BST1: variants seen among roughly 807,000 people sequenced by gnomAD.
The protein encoded by BST1 is ADP-ribosyl cyclase/cyclic ADP-ribose hydrolase 2.
BST1 carries 49 observed loss-of-function variants against 40.6 expected under a neutral mutation model. The ratio of observed to expected loss-of-function variants is 1.21; its 90% confidence interval spans 0.96 to 1.53. BST1 has a LOEUF of 1.53. Ranked by LOEUF, BST1 falls within the 40% of genes most tolerant of loss-of-function variation. BST1 has a pLI of 0.00. For synonymous variants in BST1, 157 were observed against 159.3 expected, an observed-to-expected ratio of 0.99 and a Z score of 0.11; for missense variants, 423 against 395.9, an observed-to-expected ratio of 1.07 and a Z score of -0.58.
chr4:15,748,178 C>A, the BST1 span, among the ~76,000 whole-genome samples: 1 of 152,196 alleles, frequency 6.6e-6, no homozygotes, highest in Non-Finnish European at 1.5e-5. Context: ...CATTCTCATG[C>A]GTGCTTTCCC....
chr4:15,737,426 TCACCTCTCTTGGC>T (rs1721607999), downstream of BST1, among the ~76,000 whole-genome samples: 1 of 152,296 alleles, frequency 6.6e-6, no homozygotes, highest in African/African-American at 2.4e-5. Flanking sequence ...TTGGCCAAGG[TCACCTCTCTTGGC>T]CTCGGTTCCT....
At chr4:15,740,001 T>C (rs1052605785), downstream of BST1, among the ~76,000 whole-genome samples, 2 of 151,150 alleles carry the variant, frequency 1.3e-5, no homozygotes, top group Non-Finnish European at 3.0e-5. Flanking sequence ...GAGATAAGGA[T>C]AGAGAGAGAC....
Position 15,732,219 on chromosome 4 carries a change from T to C in BST1, c.*374T>C. 1 of 733,492 alleles carries C rather than the reference T, an allele frequency of 1.4e-6. No homozygotes were observed. The highest frequency in any genetic ancestry group is 6.8e-4 in the Middle Eastern group (1 of 1,470). The allele number at this position is 733,492 out of a possible 1,614,324, so 45.4% of individuals were successfully genotyped here. ...CAGCAGCACGGACACTGCATGCTTG[T>C]TGATTGCTTAAGACATATGTATACT... On this transcript the variant is annotated 3_prime_UTR_variant, in exon 9 of 9. Transcript: ENST00000265016.
chr4:15,703,349 G>C lies in BST1; in HGVS notation c.188+17G>C. ...CGAGCAGCGGTGAGGCAGTCGGCCG[G>C]GTGGAAGGGGAGCCGGAAAGAGGCA... is the stretch of plus-strand genomic sequence containing the variant. On this transcript the variant is annotated intron_variant, in intron 1 of 8. Coordinates refer to ENST00000265016, the MANE Select transcript of BST1 (RefSeq NM_004334.3). 9.4e-6 allele frequency: 14 copies of C among 1,492,294 alleles called. No homozygotes were observed. Among genetic ancestry groups the C allele is most frequent in the Non-Finnish European group, 1.2e-5 (14 of 1,131,216 alleles). 92.4% of individuals were successfully genotyped at this position (1,492,294 alleles called of 1,614,324 possible). A position where few individuals can be genotyped will look rare whatever the true frequency, so the allele number is the denominator to read the frequency against.
the BST1 span, among the ~76,000 whole-genome samples, chr4:15,750,171 C>T: frequency 6.6e-6 from 1 of 151,970 alleles, no homozygotes; most frequent in Non-Finnish European, 1.5e-5. Flanking sequence ...ATTACAGGTG[C>T]CCACCACTAT....
chr4:15,707,745 T>C, intron 3 of BST1, 99 bp downstream of exon 3: 1 of 1,436,018 alleles, frequency 7.0e-7, no homozygotes, highest in Non-Finnish European at 9.5e-7. Context: ...TTTCACTTGA[T>C]CCTCTCCAAG....
the BST1 span, among the ~76,000 whole-genome samples, chr4:15,750,232 C>G: frequency 6.6e-6 from 1 of 152,010 alleles, no homozygotes; most frequent in African/African-American, 2.4e-5. Context: ...ACTCTGTTGT[C>G]CAGGCTAGTC....
At chr4:15,728,592 A>G (rs1721231543) in intron 8 of BST1, among the ~76,000 whole-genome samples, 1 of 150,418 alleles carries the variant, frequency 6.6e-6, no homozygotes, top group Non-Finnish European at 1.5e-5. Flanking sequence ...GGCTGAGACT[A>G]CAGGAGCAAG....
chr4:15,725,800 C>G (rs971336065), intron 8 of BST1, among the ~76,000 whole-genome samples: 1 of 152,132 alleles, frequency 6.6e-6, no homozygotes, highest in Non-Finnish European at 1.5e-5. Context: ...TACAAAGCCT[C>G]CATGAGGTTA....
chr4:15,738,436 A>C (rs1721645975), downstream of BST1: 1 of 152,316 alleles, frequency 6.6e-6, no homozygotes. Flanking sequence ...GACATTCACA[A>C]AGACCGGAGA....
At chr4:15,744,037 C>T in the BST1 span, among the ~76,000 whole-genome samples, 3 of 152,212 alleles carry the variant, frequency 2.0e-5, no homozygotes, top group African/African-American at 7.2e-5. Flanking sequence ...GGATCTTGTC[C>T]TCTTATCTTT....
At chr4:15,711,771 T>C (rs1276891401) in intron 3 of BST1, 36 bp from the exon 4 acceptor site, 3 of 1,488,246 alleles carry the variant, frequency 2.0e-6, no homozygotes, top group African/African-American at 2.8e-5. Context: ...ATAGATAATC[T>C]TTGGAATAAA....
At chr4:15,715,161 A>G in intron 4 of BST1, 124 bp from the exon 5 acceptor site, 1 of 882,282 alleles carries the variant, frequency 1.1e-6, no homozygotes, top group Non-Finnish European at 1.8e-6. Context: ...ACTAAGCCAT[A>G]TGAAATGCCA....
chr4:15,757,658 AGAG>A, the BST1 span, among the ~76,000 whole-genome samples: 1 of 151,656 alleles, frequency 6.6e-6, no homozygotes, highest in African/African-American at 2.4e-5. Context: ...TTATTTATTT[AGAG>A]AAAGAGTTTT....
the BST1 span, among the ~76,000 whole-genome samples, chr4:15,754,353 CAG>C: frequency 6.6e-6 from 1 of 152,184 alleles, no homozygotes; most frequent in Non-Finnish European, 1.5e-5. Context: ...CCCAAGGAAA[CAG>C]GGGTATGTTG....
downstream of BST1, among the ~76,000 whole-genome samples, chr4:15,736,672 G>T (rs1264852028): frequency 6.6e-6 from 1 of 151,702 alleles, no homozygotes; most frequent in Non-Finnish European, 1.5e-5. Flanking sequence ...GCCTTACTAG[G>T]TCTGTGTCCC....
chr4:15,725,943 CGGTCTTTT>C (rs1434270682), intron 8 of BST1, among the ~76,000 whole-genome samples: 1 of 123,530 alleles, frequency 8.1e-6, no homozygotes, highest in African/African-American at 2.9e-5. Context: ...TTGTGAAGTG[CGGTCTTTT>C]TTTTTTTTTT....
intron 2 of BST1, 130 bp from the exon 3 acceptor site, chr4:15,707,381 G>T (rs372837778): frequency 4.0e-6 from 4 of 1,002,982 alleles, no homozygotes; most frequent in African/African-American, 1.6e-5. Context: ...GAAAAAGAAC[G>T]TTCAGTTGTT....
At position 15,705,512 on chromosome 4, in the gene BST1, C is replaced by A; in HGVS notation, c.189-3C>A. 6.4e-7 allele frequency: 1 copy of A among 1,565,330 alleles called. No homozygotes were observed. Among genetic ancestry groups the A allele is most frequent in the Non-Finnish European group, 8.6e-7 (1 of 1,159,526 alleles). ...GTTCTTCCCAACTTGTACTTTTGCA[C>A]AGGAACAAGAACTGCACAGCCATCT... On this transcript the variant is annotated splice_region_variant and splice_polypyrimidine_tract_variant and intron_variant, in intron 1 of 8. Transcript: ENST00000265016.
Sources: allele counts gnomAD v4.1 joint callset (sites outside exome capture counted in the v4.1 genomes callset), GRCh38; gene constraint gnomAD v4.1.1; transcripts MANE v1.5; gene names NCBI Gene and HGNC (gene_info 2026-07-23, HGNC 2026-07-21).